MAGI3: variants seen among roughly 807,000 people sequenced by gnomAD.
The protein encoded by MAGI3 is membrane associated guanylate kinase, WW and PDZ domain containing 3, also known as membrane-associated guanylate kinase, WW and PDZ domain-containing protein 3.
A neutral mutation model predicts 121.8 loss-of-function variants in MAGI3; 43 were observed. That is an observed-to-expected ratio of 0.35 (90% CI 0.28 to 0.46). The LOEUF (loss-of-function observed/expected upper bound fraction) is 0.46, where lower values mean the gene tolerates loss of function less well. MAGI3 is among the 20% of genes least tolerant of loss of function. MAGI3 has a pLI of 1.00. For missense variants in MAGI3, 1,547 were observed against 1,797.3 expected (o/e 0.86, Z 2.52); for synonymous variants, 553 against 639.3 (o/e 0.86, Z 2.04).
intron 11 of MAGI3, 140 bp from the exon 12 acceptor site, chr1:113,646,346 A>C (rs1259344787): frequency 3.4e-6 from 2 of 590,682 alleles, no homozygotes; most frequent in Non-Finnish European, 5.6e-6. Context: ...AATTCCTGTA[A>C]CTGTAAATCT....
At chr1:113,646,746 T>A in intron 12 of MAGI3, 104 bp downstream of exon 12, 1 of 865,932 alleles carries the variant, frequency 1.2e-6, no homozygotes, top group Non-Finnish European at 1.7e-6. Context: ...GAAAAGTTAT[T>A]CCTTCATTAC....
chr1:113,671,739 C>T lies in MAGI3; in HGVS notation c.2821C>T (p.His941Tyr). The change falls in exon 17 of 21, where the codon CAT becomes TAT. Residue 941 changes from histidine (H) to tyrosine (Y), a missense_variant. Coordinates refer to ENST00000307546, the MANE Select transcript of MAGI3 (RefSeq NM_001142782.2). ...TTGTTTTCTCATTTGAACAGAGCAT[C>T]ATGGTCCACCATCAGGAACAAACTC... ...TLTVIAEEEH[H>Y]GPPSGTNSAR... The T allele has an allele frequency of 6.2e-7, 1 of 1,614,110 alleles. No homozygotes were observed.
chr1:113,673,742 T>C (rs1647700298), intron 19 of MAGI3, among the ~76,000 whole-genome samples: 1 of 152,232 alleles, frequency 6.6e-6, no homozygotes, highest in East Asian at 1.9e-4. Flanking sequence ...CTTATTCACA[T>C]AGTCAACATC....
At chr1:113,435,836 T>C (rs1467170779) in intron 1 of MAGI3, among the ~76,000 whole-genome samples, 1 of 152,136 alleles carries the variant, frequency 6.6e-6, no homozygotes, top group East Asian at 1.9e-4. Flanking sequence ...GCTTGACCAT[T>C]CTATAAAATA....
chr1:113,604,183 G>T (rs1281913613), intron 6 of MAGI3, among the ~76,000 whole-genome samples: 1 of 152,132 alleles, frequency 6.6e-6, no homozygotes, highest in East Asian at 1.9e-4. Flanking sequence ...ACCTGCTTAT[G>T]TATGTCTATC....
intron 15 of MAGI3, among the ~76,000 whole-genome samples, chr1:113,656,825 C>T (rs879920197): frequency 6.6e-6 from 1 of 152,162 alleles, no homozygotes; most frequent in Non-Finnish European, 1.5e-5. Context: ...AGTTTCTCTA[C>T]TGTTGACTTT....
At chr1:113,603,332 A>G (rs1649521478) in intron 6 of MAGI3, among the ~76,000 whole-genome samples, 1 of 146,310 alleles carries the variant, frequency 6.8e-6, no homozygotes, top group Non-Finnish European at 1.5e-5. Flanking sequence ...AGTGAGATTG[A>G]ATCAGTAATT....
chr1:113,569,089 A>G (rs1472960096), intron 2 of MAGI3, among the ~76,000 whole-genome samples: 1 of 152,190 alleles, frequency 6.6e-6, no homozygotes, highest in Non-Finnish European at 1.5e-5. Flanking sequence ...AGAAAATGAC[A>G]TGAATTTAAC....
chr1:113,625,962 TTTTTG>T (rs886366300), intron 9 of MAGI3, among the ~76,000 whole-genome samples: 10 of 152,156 alleles, frequency 6.6e-5, no homozygotes, highest in Middle Eastern at 3.4e-3. Flanking sequence ...AGTTTTTTTG[TTTTTG>T]TTTTGTTTTG....
At chr1:113,443,049 G>A (rs1455948764) in intron 1 of MAGI3, among the ~76,000 whole-genome samples, 3 of 152,104 alleles carry the variant, frequency 2.0e-5, no homozygotes, top group African/African-American at 4.8e-5. Flanking sequence ...GCTAATAGTT[G>A]TTGACTTAAT....
intron 19 of MAGI3, among the ~76,000 whole-genome samples, chr1:113,674,639 T>C (rs1292078510): frequency 1.3e-5 from 2 of 152,074 alleles, no homozygotes. Flanking sequence ...AATTATTAGA[T>C]GGTATATTCT....
intron 1 of MAGI3, among the ~76,000 whole-genome samples, chr1:113,425,254 C>T (rs917695650): frequency 6.7e-6 from 1 of 149,852 alleles, no homozygotes; most frequent in African/African-American, 2.5e-5. Flanking sequence ...TTTTTCAAAG[C>T]CTTTAAATTA....
In MAGI3 at chr1:113,616,223, A is replaced by C. The variant is rs529665904; in HGVS notation, c.1076+1565A>C. On this transcript the variant is annotated intron_variant, in intron 7 of 20. Transcript: ENST00000307546. The stretch of plus-strand genomic sequence containing the variant: ...AGGTACATGAAATAGCCTGAATTAG[A>C]AGCAACAGCAGCAGCGACATGATTT... 6.6e-5 allele frequency among the ~76,000 whole-genome samples: 10 copies of C among 152,352 alleles called. No individual in the cohort carries two copies. The South Asian group carries it at 2.1e-3, about 32-fold the overall frequency.
At chr1:113,461,108 C>T (rs1038211746) in intron 1 of MAGI3, among the ~76,000 whole-genome samples, 5 of 152,182 alleles carry the variant, frequency 3.3e-5, no homozygotes, top group Non-Finnish European at 5.9e-5. Flanking sequence ...GAAAAGCATT[C>T]CATGCTCATG....
At chr1:113,429,493 T>C (rs1227464113) in intron 1 of MAGI3, among the ~76,000 whole-genome samples, 1 of 152,202 alleles carries the variant, frequency 6.6e-6, no homozygotes, top group Non-Finnish European at 1.5e-5. Context: ...TTCCCATTGG[T>C]AACTTGGTTT....
intron 16 of MAGI3, among the ~76,000 whole-genome samples, chr1:113,661,846 T>C (rs1653799967): frequency 6.6e-6 from 1 of 152,194 alleles, no homozygotes; most frequent in South Asian, 2.1e-4. Context: ...ATTTCACTGA[T>C]CACACACTAT....
At chr1:113,543,866 TAAAA>T (rs5777160) in intron 1 of MAGI3, among the ~76,000 whole-genome samples, 5 of 136,872 alleles carry the variant, frequency 3.7e-5, no homozygotes, top group East Asian at 4.2e-4. Flanking sequence ...AGACCCCATC[TAAAA>T]AAAAAAAAAA....
intron 2 of MAGI3, among the ~76,000 whole-genome samples, chr1:113,576,103 C>T (rs1647618726): frequency 6.6e-6 from 1 of 152,222 alleles, no homozygotes; most frequent in African/African-American, 2.4e-5. Flanking sequence ...GAATTTCAAG[C>T]CAGTGGTTCT....
At chr1:113,456,530 A>G (rs1465333751) in intron 1 of MAGI3, among the ~76,000 whole-genome samples, 1 of 152,226 alleles carries the variant, frequency 6.6e-6, no homozygotes, top group Admixed American at 6.5e-5. Context: ...AAAAGTCAAT[A>G]TAAAATTCTA....
Sources: gnomAD v4.1 joint callset for allele counts (sites outside exome capture counted in the v4.1 genomes callset) on GRCh38, gnomAD v4.1.1 for gene constraint, MANE v1.5 for transcripts, NCBI Gene and HGNC (gene_info 2026-07-23, HGNC 2026-07-21) for gene names.